The following SAMTOR variants were observed in gnomAD, a reference collection of about 807,000 sequenced individuals.
The protein encoded by SAMTOR is UPF0532 protein C7orf60.
the SAMTOR span, among the ~76,000 whole-genome samples, chr7:112,858,998 C>CT: frequency 1.1e-4 from 16 of 152,112 alleles, no homozygotes; most frequent in Non-Finnish European, 2.2e-4. Context: ...AATTAGCAGA[C>CT]TTTGAGTAAA....
chr7:112,871,949 T>C, the SAMTOR span, among the ~76,000 whole-genome samples: 16 of 152,086 alleles, frequency 1.1e-4, no homozygotes, highest in East Asian at 1.9e-4. Context: ...TGGGAAGAAA[T>C]TGAAACCCTG....
At chr7:112,821,106 C>T in the SAMTOR span, 6 of 152,512 alleles carry the variant, frequency 3.9e-5, no homozygotes, top group East Asian at 1.2e-3. Flanking sequence ...AATTAGAATA[C>T]ACACTTTGGG....
chr7:112,834,600 G>A, the SAMTOR span, among the ~76,000 whole-genome samples: 2 of 152,012 alleles, frequency 1.3e-5, no homozygotes, highest in Non-Finnish European at 2.9e-5. Flanking sequence ...TTCTCACACC[G>A]TCAGACCCAG....
chr7:112,896,017 C>T, the SAMTOR span, among the ~76,000 whole-genome samples: 3 of 152,114 alleles, frequency 2.0e-5, no homozygotes, highest in Non-Finnish European at 2.9e-5. Flanking sequence ...GAACTTCTCT[C>T]GACTAAAACT....
chr7:112,828,246 T>C, the SAMTOR span, among the ~76,000 whole-genome samples: 22 of 152,344 alleles, frequency 1.4e-4, no homozygotes, highest in African/African-American at 4.6e-4. Context: ...GCTTAAACAA[T>C]ATAAATTTTC....
chr7:112,905,109 C>T, the SAMTOR span, among the ~76,000 whole-genome samples: 1 of 152,166 alleles, frequency 6.6e-6, no homozygotes, highest in Non-Finnish European at 1.5e-5. Flanking sequence ...GTCCCCAAAG[C>T]CTACTGAAAT....
chr7:112,892,097 T>C, the SAMTOR span, among the ~76,000 whole-genome samples: 2 of 152,184 alleles, frequency 1.3e-5, no homozygotes, highest in Non-Finnish European at 2.9e-5. Flanking sequence ...AAATCCTTTG[T>C]CATTCTAACA....
At chr7:112,895,239 AATT>A in the SAMTOR span, among the ~76,000 whole-genome samples, 1 of 151,182 alleles carries the variant, frequency 6.6e-6, no homozygotes, top group Admixed American at 6.6e-5. Context: ...ATTATATAAC[AATT>A]ATATGTTATA....
chr7:112,858,446 G>T, the SAMTOR span, among the ~76,000 whole-genome samples: 1 of 151,292 alleles, frequency 6.6e-6, no homozygotes, highest in Non-Finnish European at 1.5e-5. Context: ...GAAAATAGAA[G>T]ATAATAGTAA....
chr7:112,881,724 C>G, the SAMTOR span, among the ~76,000 whole-genome samples: 1 of 152,208 alleles, frequency 6.6e-6, no homozygotes, highest in South Asian at 2.1e-4. Context: ...AACCTGCCTG[C>G]AGAGAAGCTA....
chr7:112,869,773 A>C, the SAMTOR span, among the ~76,000 whole-genome samples: 1 of 152,208 alleles, frequency 6.6e-6, no homozygotes, highest in Non-Finnish European at 1.5e-5. Flanking sequence ...GATGGCAAGA[A>C]AACTCAACAA....
the SAMTOR span, among the ~76,000 whole-genome samples, chr7:112,902,498 G>A: frequency 6.7e-6 from 1 of 148,206 alleles, no homozygotes; most frequent in Non-Finnish European, 1.5e-5. Flanking sequence ...TGAAAAGGCC[G>A]GCACAAAGGA....
chr7:112,907,608 T>TA, the SAMTOR span, among the ~76,000 whole-genome samples: 1 of 150,942 alleles, frequency 6.6e-6, no homozygotes, highest in South Asian at 2.1e-4. Flanking sequence ...CAAGAAAAAT[T>TA]AGAGACCAAA....
At chr7:112,877,267 C>T in the SAMTOR span, among the ~76,000 whole-genome samples, 2 of 152,040 alleles carry the variant, frequency 1.3e-5, no homozygotes, top group African/African-American at 4.8e-5. Flanking sequence ...ACAATGTGTT[C>T]TAACAGGAAA....
At chr7:112,846,555 C>T in the SAMTOR span, among the ~76,000 whole-genome samples, 1 of 152,046 alleles carries the variant, frequency 6.6e-6, no homozygotes, top group Admixed American at 6.6e-5. Context: ...TTCATGGACC[C>T]CATAAAGGGT....
chr7:112,872,942 C>A, the SAMTOR span, among the ~76,000 whole-genome samples: 3 of 151,336 alleles, frequency 2.0e-5, no homozygotes, highest in African/African-American at 7.3e-5. Flanking sequence ...TGCGTGTGTG[C>A]ACGTGCGTGC....
chr7:112,823,002 T>G, the SAMTOR span, among the ~76,000 whole-genome samples: 1 of 152,140 alleles, frequency 6.6e-6, no homozygotes, highest in African/African-American at 2.4e-5. Flanking sequence ...TGAATAACAT[T>G]ATATAATTTG....
chr7:112,939,161 G>T, the SAMTOR span: 1 of 178,478 alleles, frequency 5.6e-6, no homozygotes, highest in South Asian at 9.7e-5. Flanking sequence ...CAGCCGGTAG[G>T]TCAAGCGTAA....
the SAMTOR span, among the ~76,000 whole-genome samples, chr7:112,852,042 C>T: frequency 1.6e-4 from 25 of 152,156 alleles, no homozygotes; most frequent in African/African-American, 5.8e-4. Flanking sequence ...AAATTAGTGC[C>T]ACCTCTATGG....
Sources: allele counts gnomAD v4.1 joint callset (sites outside exome capture counted in the v4.1 genomes callset), GRCh38; gene constraint gnomAD v4.1.1; transcripts MANE v1.5; gene names NCBI Gene and HGNC (gene_info 2026-07-23, HGNC 2026-07-21).